The following USF1 variants were observed in gnomAD, a reference collection of about 807,000 sequenced individuals.
USF1 encodes upstream transcription factor 1.
Under a neutral mutation model 46.3 loss-of-function variants are expected in USF1, and 22 were observed. The ratio of observed to expected loss-of-function variants is 0.47; its 90% confidence interval spans 0.34 to 0.68. The LOEUF (loss-of-function observed/expected upper bound fraction) is 0.68, where lower values mean the gene tolerates loss of function less well. Ranked by LOEUF, USF1 falls within the 30% of genes least tolerant of loss-of-function variation. The pLI is 0.01. For synonymous variants in USF1, 150 were observed against 147.0 expected, an observed-to-expected ratio of 1.02 and a Z score of -0.15; for missense variants, 287 against 399.3, an observed-to-expected ratio of 0.72 and a Z score of 2.40.
At chr1:161,043,833 C>T (rs1010923158) in intron 1 of USF1, among the ~76,000 whole-genome samples, 2 of 148,110 alleles carry the variant, frequency 1.4e-5, no homozygotes, top group East Asian at 2.0e-4. Context: ...CATGTTGGCC[C>T]GGCTGGTCTC....
chr1:161,042,545 C>T lies in USF1; in HGVS notation c.174+10G>A. ...GATAACACCTGCAGCCACCTGGCCC[C>T]CTCCCTTACCTGGCCCCCATTCTCA... On this transcript the variant is annotated intron_variant, in intron 4 of 10. Transcript: ENST00000368021. The T allele has an allele frequency of 6.2e-7, 1 of 1,613,932 alleles. No individual in the cohort carries two copies. The highest frequency in any genetic ancestry group is 8.5e-7 in the Non-Finnish European group (1 of 1,179,902).
intron 1 of USF1, among the ~76,000 whole-genome samples, chr1:161,045,308 G>A (rs1050248419): frequency 2.0e-5 from 3 of 152,226 alleles, no homozygotes; most frequent in Non-Finnish European, 4.4e-5. Context: ...CGGAAACAGG[G>A]ATGGGACGTT....
In USF1 at chr1:161,042,207, CT is replaced by C; in HGVS notation, c.184del (p.Arg62GlyfsTer2). The C allele has an allele frequency of 6.2e-7, 1 of 1,613,566 alleles. No homozygotes were observed. Among genetic ancestry groups the C allele is most frequent in the Non-Finnish European group, 8.5e-7 (1 of 1,179,722 alleles). On this transcript the variant is annotated frameshift_variant, in exon 5 of 11. Coordinates refer to ENST00000368021, the MANE Select transcript of USF1 (RefSeq NM_007122.5). LOFTEE classifies it high-confidence loss of function. The part of the protein sequence containing the change: ...RTENGGQVMY[R>X]VIQVSEGQLD... ...CTGCCCCTCAGACACCTGGATCACC[CT>C]GTACATCACCTAGAAGTGTAGAGGA...
rs2102010960 is a variant in USF1 at position 161,040,186 on chromosome 1, G to T, written c.843+16C>A. ...AGCAGAACTGAGAAGGGCTGCACTG[G>T]GGGTAGGAGTCTGACCTGTTGTCGA... is the stretch of plus-strand genomic sequence containing the variant. On this transcript the variant is annotated intron_variant, in intron 10 of 10. Coordinates refer to ENST00000368021, the MANE Select transcript of USF1 (RefSeq NM_007122.5). This position sits in a 1 kb window ranked among gnomAD's most constrained non-coding sequence, Gnocchi z 4.0. 1 of 1,613,820 alleles carries T rather than the reference G, an allele frequency of 6.2e-7. No individual in the cohort carries two copies. The highest frequency in any genetic ancestry group is 2.2e-5 in the East Asian group (1 of 44,876).
chr1:161,042,920 A>G, intron 2 of USF1, 38 bp from the exon 3 acceptor site: 3 of 1,614,130 alleles, frequency 1.9e-6, no homozygotes. Flanking sequence ...GAGTATGAGA[A>G]GAAGTCAATG....
In USF1 at chr1:161,040,889, G is replaced by C; in HGVS notation, c.561-17C>G. The C allele has an allele frequency of 1.9e-6, 3 of 1,613,982 alleles. No individual in the cohort carries two copies. Among genetic ancestry groups the C allele is most frequent in the Non-Finnish European group, 2.5e-6 (3 of 1,180,008 alleles). On this transcript the variant is annotated splice_polypyrimidine_tract_variant and intron_variant, in intron 7 of 10. Transcript: ENST00000368021. The surrounding 1 kb of genome is among the most constrained non-coding windows in gnomAD (Gnocchi z 4.0). Reference sequence around the variant, plus strand: ...TCTGACTTCCTGACAACAGAGCCCAGGGTGGCCAGAGTAAGAAGACAAAAT... The same window carrying C: ...TCTGACTTCCTGACAACAGAGCCCACGGTGGCCAGAGTAAGAAGACAAAAT...
intron 6 of USF1, 67 bp from the exon 7 acceptor site, chr1:161,041,478 A>G (rs1650558165): frequency 2.6e-6 from 4 of 1,543,598 alleles, no homozygotes; most frequent in Non-Finnish European, 3.5e-6. Flanking sequence ...TGAGGTGAAG[A>G]CCCTGGTCCC....
At chr1:161,043,620 C>CTTTT (rs34611572) in intron 1 of USF1, among the ~76,000 whole-genome samples, 1 of 119,604 alleles carries the variant, frequency 8.4e-6, no homozygotes, top group South Asian at 2.7e-4. Flanking sequence ...AGAAACAACA[C>CTTTT]TTTTTTTTTT....
Position 161,040,388 on chromosome 1 carries a change from C to A in USF1, c.715-58G>T. ...GATTTCAGATACCCAGCTTGCTTTC[C>A]AAAAGTAGGTTCACACTTTGGACCT... On this transcript the variant is annotated intron_variant, in intron 9 of 10. Transcript: ENST00000368021. This position sits in a 1 kb window ranked among gnomAD's most constrained non-coding sequence, Gnocchi z 4.0. 6.2e-7 allele frequency: 1 copy of A among 1,606,738 alleles called. No individual in the cohort carries two copies. The highest frequency in any genetic ancestry group is 1.1e-5 in the South Asian group (1 of 90,472).
chr1:161,042,144 C>A lies in USF1; in HGVS notation c.248G>T (p.Gly83Val). Residue 83 changes from glycine to valine, a missense_variant, in exon 5 of 11, where the codon GGC (glycine) becomes GTC (valine). Physicochemically the swap from Gly to Val is moderately radical, Grantham distance 109 (BLOSUM62 -3). Transcript: ENST00000368021. ...GQTEGTGAIS[G>V]YPATQSMTQA... ...GGTCATGGATTGAGTGGCAGGGTAG[C>A]CACTGATGGCGCCAGTTCCCTCAGT... 6.2e-7 allele frequency: 1 copy of A among 1,613,890 alleles called. No individual in the cohort carries two copies. Among genetic ancestry groups the A allele is most frequent in the Non-Finnish European group, 8.5e-7 (1 of 1,179,880 alleles).
In USF1 at chr1:161,041,724, C is replaced by G; in HGVS notation, c.399G>C (p.Ser133=). ...TAGTAACAACAGCAGCTGTACTCCC[C>G]GATGTGGTACCCCCTGCCCCATCTC... ...AVGDGAGGTT[S]GSTAAVVTTQ... The change falls in exon 6 of 11, where the codon TCG becomes TCC. Residue 133 remains serine, a synonymous_variant. Coordinates refer to ENST00000368021, the MANE Select transcript of USF1 (RefSeq NM_007122.5). The G allele has an allele frequency of 4.3e-6, 7 of 1,614,078 alleles. No homozygotes were observed. Among genetic ancestry groups the G allele is most frequent in the Non-Finnish European group, 1.7e-6 (2 of 1,179,972 alleles).
Position 161,041,802 on chromosome 1 carries a change from C to T in USF1, c.321G>A (p.Thr107=), listed in dbSNP as rs200531398. ...GAFTSDDAVD[T]EGTAAETHYT... is the part of the protein sequence containing the mutation. ...AGTGCGTCTCAGCAGCTGTCCCCTCCGTGTCAACTGCATCATCACTGGTGA... is the reference window on the plus strand; with the variant it reads ...AGTGCGTCTCAGCAGCTGTCCCCTCTGTGTCAACTGCATCATCACTGGTGA... Residue 107 remains threonine (T), a synonymous_variant, in exon 6 of 11, where the codon ACG becomes ACA. Transcript: ENST00000368021. 3.1e-6 allele frequency: 5 copies of T among 1,613,844 alleles called. No homozygotes were observed. Among genetic ancestry groups the T allele is most frequent in the South Asian group, 2.2e-5 (2 of 91,088 alleles).
rs1353413403 is a variant in USF1 at position 161,040,190 on chromosome 1, T to C, written c.843+12A>G. On this transcript the variant is annotated intron_variant, in intron 10 of 10. Transcript: ENST00000368021. The surrounding 1 kb of genome is among the most constrained non-coding windows in gnomAD (Gnocchi z 4.0). ...GAACTGAGAAGGGCTGCACTGGGGG[T>C]AGGAGTCTGACCTGTTGTCGAAGCA... 12 of 1,613,576 alleles carry C rather than the reference T, an allele frequency of 7.4e-6. No homozygotes were observed. The highest frequency in any genetic ancestry group is 1.0e-5 in the Non-Finnish European group (12 of 1,179,926).
intron 7 of USF1, among the ~76,000 whole-genome samples, 197 bp downstream of exon 7, chr1:161,041,127 T>A (rs1168800188): frequency 6.6e-6 from 1 of 151,760 alleles, no homozygotes; most frequent in African/African-American, 2.4e-5. Context: ...CCAGGGGTGG[T>A]GGTACATGTC....
Position 161,039,693 on chromosome 1 carries a change from A to C in USF1, c.*227T>G, listed in dbSNP as rs1019732354. On this transcript the variant is annotated 3_prime_UTR_variant, in exon 11 of 11. Coordinates refer to ENST00000368021, the MANE Select transcript of USF1 (RefSeq NM_007122.5). ...TTGTGCGAGAGGAGCACAAGGGCCC[A>C]GGGGCTGCATGGTGGGGGTGGGCAA... 15 of 569,876 alleles carry C rather than the reference A, an allele frequency of 2.6e-5. No individual in the cohort carries two copies. The highest frequency in any genetic ancestry group is 2.4e-4 in the African/African-American group (13 of 53,158). 35.3% of individuals were successfully genotyped at this position (569,876 alleles called of 1,614,324 possible). A position where few individuals can be genotyped will look rare whatever the true frequency, so the allele number is the denominator to read the frequency against.
Position 161,040,520 on chromosome 1 carries a change from C to T in USF1, c.714+56G>A. On this transcript the variant is annotated intron_variant, in intron 9 of 10. Transcript: ENST00000368021. This position sits in a 1 kb window ranked among gnomAD's most constrained non-coding sequence, Gnocchi z 4.0. ...CCCCTCTCTCTACCATTTCTGGAAA[C>T]AATACCAGGAGGCAGAATTCAGGCA... The T allele has an allele frequency of 3.1e-6, 5 of 1,591,140 alleles. No homozygotes were observed. The highest frequency in any genetic ancestry group is 3.4e-6 in the Non-Finnish European group (4 of 1,167,422).
chr1:161,044,531 G>A (rs1650716699), intron 1 of USF1, among the ~76,000 whole-genome samples: 1 of 152,196 alleles, frequency 6.6e-6, no homozygotes, highest in Non-Finnish European at 1.5e-5. Context: ...TTGTTTTGGG[G>A]TATCCAGATT....
chr1:161,041,633 C>T lies in USF1; in HGVS notation c.472+18G>A. 1.3e-6 allele frequency: 2 copies of T among 1,596,606 alleles called. No homozygotes were observed. Among genetic ancestry groups the T allele is most frequent in the South Asian group, 2.2e-5 (2 of 89,984 alleles). On this transcript the variant is annotated intron_variant, in intron 6 of 10. Coordinates refer to ENST00000368021, the MANE Select transcript of USF1 (RefSeq NM_007122.5). ...CTATTCTAGCCCTTTCAGCCAGCAT[C>T]CTCATGCAATATCTCACCAGTGCCA...
intron 3 of USF1, 33 bp from the exon 4 acceptor site, chr1:161,042,703 G>T (rs34882696): frequency 6.2e-7 from 1 of 1,613,042 alleles, no homozygotes; most frequent in African/African-American, 1.3e-5. Flanking sequence ...AAGTCTGTGA[G>T]TTAACTGCCT....
Sources: allele counts gnomAD v4.1 joint callset (sites outside exome capture counted in the v4.1 genomes callset), GRCh38; gene constraint gnomAD v4.1.1; non-coding constraint Gnocchi (gnomAD v3.1); transcripts MANE v1.5; gene names NCBI Gene and HGNC (gene_info 2026-07-23, HGNC 2026-07-21).